Variants in NAPG observed in about 807,000 individuals in gnomAD.
The protein encoded by NAPG is gamma-soluble NSF attachment protein.
A neutral mutation model predicts 48.4 loss-of-function variants in NAPG; 25 were observed. That is an observed-to-expected ratio of 0.52 (90% CI 0.38 to 0.72). The LOEUF (loss-of-function observed/expected upper bound fraction) is 0.72. NAPG is among the 30% of genes least tolerant of loss of function. NAPG has a pLI of 0.00. For missense variants in NAPG, 359 were observed against 372.5 expected, an observed-to-expected ratio of 0.96 and a Z score of 0.30; for synonymous variants, 139 against 127.2, an observed-to-expected ratio of 1.09 and a Z score of -0.62.
rs78269058 is a variant in NAPG, at chr18:10,547,189, G to A, written c.585+785G>A. On this transcript the variant is annotated intron_variant, in intron 9 of 11. Coordinates refer to ENST00000322897, the MANE Select transcript of NAPG (RefSeq NM_003826.3). ...TCTGAAGGGCTTATGCATGGAACAG[G>A]CCCAAAGCCACATAGCAAAGGATTT... 8.6e-3 allele frequency among the ~76,000 whole-genome samples: 1,312 copies of A among 152,298 alleles called. 16 individuals are homozygous for A. Among genetic ancestry groups the A allele is most frequent in the African/African-American group, 0.03 (1,234 of 41,552 alleles).
intron 2 of NAPG, among the ~76,000 whole-genome samples, 192 bp from the exon 3 acceptor site, chr18:10,532,519 C>T (rs1037607807): frequency 4.6e-5 from 7 of 152,004 alleles, no homozygotes; most frequent in East Asian, 1.9e-4. Flanking sequence ...TAAAAATACT[C>T]GTAAGTTACC....
rs776886270 is a variant in NAPG, at chr18:10,548,992, G to C, written c.691G>C (p.Asp231His). The C allele has an allele frequency of 1.7e-5, 28 of 1,613,752 alleles. No homozygotes were observed. The highest frequency in any genetic ancestry group is 4.0e-5 in the African/African-American group (3 of 74,924). ...YSIPGFNGSE[D>H]CAALEQLLEG... ...CATCCCTGGGTTCAATGGCAGTGAA[G>C]ACTGTGCTGCCCTGGAACAGCTTCT... Residue 231 changes from aspartate (D) to histidine (H), a missense_variant, in exon 11 of 12, where the codon GAC becomes CAC. Physicochemically the swap from Asp to His is moderately conservative, Grantham distance 81. Transcript: ENST00000322897. The surrounding 1 kb of genome is among the most constrained non-coding windows in gnomAD (Gnocchi z 4.4).
Position 10,546,353 on chromosome 18 carries a change from G to T in NAPG, c.534G>T (p.Gln178His). 6.3e-7 allele frequency: 1 copy of T among 1,579,150 alleles called. No individual in the cohort carries two copies. Among genetic ancestry groups the T allele is most frequent in the South Asian group, 1.2e-5 (1 of 86,536 alleles). The change falls in exon 9 of 12, where the codon CAG becomes CAT. Residue 178 changes from glutamine (Q) to histidine (H), a missense_variant. Coordinates refer to ENST00000322897, the MANE Select transcript of NAPG (RefSeq NM_003826.3). This position sits in a 1 kb window ranked among gnomAD's most constrained non-coding sequence, Gnocchi z 4.0. ...TTGATGAGGCGGCACTCTCTATTCA[G>T]AAAGAAAAAAATATTTATAAGGAAA... ...RRFDEAALSI[Q>H]KEKNIYKEIE...
Position 10,534,503 on chromosome 18 carries a change from A to G in NAPG, c.258+7A>G, listed in dbSNP as rs1436417678. Reference sequence around the variant, plus strand: ...AGCTGGAATGATGTTGAAGGTCAGTAATGTTATGTCACAATTGTTGTGTAG... The same window carrying G: ...AGCTGGAATGATGTTGAAGGTCAGTGATGTTATGTCACAATTGTTGTGTAG... On this transcript the variant is annotated splice_region_variant and intron_variant, in intron 5 of 11. Transcript: ENST00000322897. This position sits in a 1 kb window ranked among gnomAD's most constrained non-coding sequence, Gnocchi z 5.0. The G allele has an allele frequency of 6.2e-7, 1 of 1,612,322 alleles. No individual in the cohort carries two copies. Among genetic ancestry groups the G allele is most frequent in the Non-Finnish European group, 8.5e-7 (1 of 1,178,702 alleles).
Position 10,546,110 on chromosome 18 carries a change from T to C in NAPG, c.507-216T>C, listed in dbSNP as rs2032260427. Among the ~76,000 whole-genome samples the C allele has an allele frequency of 6.6e-6, 1 of 152,176 alleles. No homozygotes were observed. The highest frequency in any genetic ancestry group is 1.5e-5 in the Non-Finnish European group (1 of 68,020). ...TAACCCATCCTTGAGTTCTTTTGCT[T>C]TTTCTGTCAGCGTGCAGCCTGAAAG... is the stretch of plus-strand genomic sequence containing the variant. On this transcript the variant is annotated intron_variant, in intron 8 of 11. Coordinates refer to ENST00000322897, the MANE Select transcript of NAPG (RefSeq NM_003826.3). The surrounding 1 kb of genome is among the most constrained non-coding windows in gnomAD (Gnocchi z 4.0).
chr18:10,541,105 A>G (rs1197644427), intron 8 of NAPG, among the ~76,000 whole-genome samples: 1 of 152,226 alleles, frequency 6.6e-6, no homozygotes, highest in African/African-American at 2.4e-5. Context: ...TGATGAATCT[A>G]TCCTATCTGA....
chr18:10,533,251 G>T (rs2031967010), intron 3 of NAPG: 1 of 326,634 alleles, frequency 3.1e-6, no homozygotes. Flanking sequence ...TCTCTTATTT[G>T]CAAACTGTAG....
intron 1 of NAPG, 108 bp downstream of exon 1, chr18:10,526,266 C>G (rs12962879): frequency 0.24 from 178,121 of 743,414 alleles, 37,341 homozygotes; most frequent in African/African-American, 0.73. Flanking sequence ...GGCTGAGGGG[C>G]CTCGGCGCGC....
In NAPG at chr18:10,550,520, T is replaced by C. The variant is rs1040698517; in HGVS notation, c.*300T>C. The C allele has an allele frequency of 4.2e-6, 1 of 238,376 alleles. No individual in the cohort carries two copies. 14.8% of individuals were successfully genotyped at this position (238,376 alleles called of 1,614,324 possible). A position where few individuals can be genotyped will look rare whatever the true frequency, so the allele number is the denominator to read the frequency against. ...TGCAAGCCAAATTATACATAAATTA[T>C]GTTCTAAACAAAAGGGGTAATAAGC... On this transcript the variant is annotated 3_prime_UTR_variant, in exon 12 of 12. Coordinates refer to ENST00000322897, the MANE Select transcript of NAPG (RefSeq NM_003826.3).
In NAPG at chr18:10,539,336, GA is replaced by G. The variant is rs1405572240; in HGVS notation, c.259-424del. Reference sequence around the variant, plus strand: ...TGGAATACTATGCAGCTGTAAAAAAGAATGAGATCATGTCCTTTGCAGGGAC... The same window carrying G: ...TGGAATACTATGCAGCTGTAAAAAAGATGAGATCATGTCCTTTGCAGGGAC... On this transcript the variant is annotated intron_variant, in intron 5 of 11. Coordinates refer to ENST00000322897, the MANE Select transcript of NAPG (RefSeq NM_003826.3). This position sits in a 1 kb window ranked among gnomAD's most constrained non-coding sequence, Gnocchi z 4.7. 3 of 175,096 alleles carry G rather than the reference GA, an allele frequency of 1.7e-5. No homozygotes were observed. In the East Asian group the frequency reaches 4.6e-4, roughly 27 times the overall value. The allele number at this position is 175,096 out of a possible 1,614,324, so 10.8% of individuals were successfully genotyped here.
At chr18:10,547,026 G>C (rs543475091) in intron 9 of NAPG, among the ~76,000 whole-genome samples, 2 of 152,330 alleles carry the variant, frequency 1.3e-5, no homozygotes, top group South Asian at 4.1e-4. Context: ...GCTGGAAACG[G>C]AGTCCCCTGA....
chr18:10,535,885 C>T lies in NAPG; in HGVS notation c.258+1389C>T, dbSNP rs983586655. ...ATGCAACTGAATTGGTATTTGGTGC[C>T]GCAAGTTAGGTTATTAACCACAGTT... On this transcript the variant is annotated intron_variant, in intron 5 of 11. Coordinates refer to ENST00000322897, the MANE Select transcript of NAPG (RefSeq NM_003826.3). 1.9e-4 allele frequency among the ~76,000 whole-genome samples: 29 copies of T among 152,116 alleles called. 1 individual carries two copies. Among genetic ancestry groups the T allele is most frequent in the Admixed American group, 7.2e-4 (11 of 15,270 alleles).
At position 10,526,117 on chromosome 18, in the gene NAPG, G is replaced by C. The variant is rs958037412; in HGVS notation, c.15G>C (p.Lys5Asn). The change falls in exon 1 of 12, where the codon AAG (lysine) becomes AAC (asparagine). Residue 5 changes from lysine (K) to asparagine (N), a missense_variant. Transcript: ENST00000322897. ...TGACTGTGGAGATGGCGGCTCAGAA[G>C]ATAAACGAGGGGCTGGAACACCTCG... is the stretch of plus-strand genomic sequence containing the variant. MAAQ[K>N]INEGLEHLAK... 1 of 1,613,682 alleles carries C rather than the reference G, an allele frequency of 6.2e-7. No individual in the cohort carries two copies. Among genetic ancestry groups the C allele is most frequent in the East Asian group, 2.2e-5 (1 of 44,864 alleles).
chr18:10,527,048 C>CAA (rs1422047137), intron 1 of NAPG, among the ~76,000 whole-genome samples: 10 of 151,858 alleles, frequency 6.6e-5, no homozygotes, highest in Non-Finnish European at 2.9e-5. Flanking sequence ...ATTAGCCGGG[C>CAA]GTGGTGGCGG....
chr18:10,532,316 A>C (rs958399138), intron 2 of NAPG, among the ~76,000 whole-genome samples: 1 of 152,202 alleles, frequency 6.6e-6, no homozygotes, highest in East Asian at 1.9e-4. Context: ...GTTTCTACCT[A>C]ATCGAATGAC....
chr18:10,547,336 G>A (rs1490981657), intron 9 of NAPG, among the ~76,000 whole-genome samples: 1 of 152,206 alleles, frequency 6.6e-6, no homozygotes, highest in Non-Finnish European at 1.5e-5. Context: ...AGGCTGTGCA[G>A]CATCACATTC....
chr18:10,541,098 TG>T (rs758709381), intron 8 of NAPG, among the ~76,000 whole-genome samples: 12 of 152,216 alleles, frequency 7.9e-5, no homozygotes, highest in Non-Finnish European at 1.5e-4. Context: ...AAATGACTGA[TG>T]AATCTATCCT....
chr18:10,529,551 C>T (rs1410120689), intron 1 of NAPG, among the ~76,000 whole-genome samples: 3 of 152,084 alleles, frequency 2.0e-5, no homozygotes, highest in South Asian at 2.1e-4. Flanking sequence ...GCCAGGAGTT[C>T]GAGACCACCT....
At chr18:10,536,605 T>G (rs771267718) in intron 5 of NAPG, among the ~76,000 whole-genome samples, 2 of 152,186 alleles carry the variant, frequency 1.3e-5, no homozygotes, top group Non-Finnish European at 2.9e-5. Flanking sequence ...ATCAATATTG[T>G]GGTTGGACCT....
Sources: gnomAD v4.1 joint callset for allele counts (sites outside exome capture counted in the v4.1 genomes callset) on GRCh38, gnomAD v4.1.1 for gene constraint, Gnocchi (gnomAD v3.1) non-coding constraint, MANE v1.5 for transcripts, NCBI Gene and HGNC (gene_info 2026-07-23, HGNC 2026-07-21) for gene names.